Variants in ERVK3-1 observed in about 807,000 individuals in gnomAD.
ERVK3-1 encodes the protein HERV-K(HML6-1).
At chr19:58,314,646 A>G in intron 3 of ERVK3-1, 102 bp from the exon 4 acceptor site, 1 of 317,582 alleles carries the variant, frequency 3.1e-6, no homozygotes, top group East Asian at 4.8e-5. Flanking sequence ...AAAAAAAAAA[A>G]AAAAGCCTCA....
At chr19:58,315,179 C>A in exon 4 of ERVK3-1, 2 of 167,272 alleles carry the variant, frequency 1.2e-5, no homozygotes, top group Non-Finnish European at 2.6e-5. Flanking sequence ...TATCAAGGAG[C>A]CCCCTGACCC....
intron 2 of ERVK3-1, among the ~76,000 whole-genome samples, chr19:58,308,322 A>T (rs1389208746): frequency 6.6e-6 from 1 of 152,256 alleles, no homozygotes; most frequent in East Asian, 1.9e-4. Flanking sequence ...TGTTTCAGTA[A>T]TATCCAAAAA....
rs1026720174 is a variant in ERVK3-1, at chr19:58,313,639, A to G, written c.295-1109A>G. Among the ~76,000 whole-genome samples the G allele has an allele frequency of 1.3e-5, 2 of 152,092 alleles. No individual in the cohort carries two copies. Among genetic ancestry groups the G allele is most frequent in the South Asian group, 2.1e-4 (1 of 4,820 alleles). On this transcript the variant is annotated intron_variant, in intron 3 of 3. Coordinates refer to ENST00000413518, the Ensembl canonical transcript of ERVK3-1. The surrounding 1 kb of genome is among the most constrained non-coding windows in gnomAD (Gnocchi z 4.5). ...TTTTTCTAGCATCTAAGAAGGACCA[A>G]CTCCACGTAAACATCACCCAGTTGA...
At chr19:58,307,423 G>C (rs756089698) in intron 2 of ERVK3-1, among the ~76,000 whole-genome samples, 11 of 152,210 alleles carry the variant, frequency 7.2e-5, no homozygotes, top group African/African-American at 1.2e-4. Flanking sequence ...CAGGATGTGG[G>C]AACTGAACTC....
intron 2 of ERVK3-1, chr19:58,309,283 A>T (rs1348468032): frequency 6.6e-6 from 1 of 152,252 alleles, no homozygotes; most frequent in African/African-American, 2.4e-5. Context: ...TATACCAGTT[A>T]TTCAGAGAAA....
At chr19:58,311,926 A>G (rs1013939183) in intron 2 of ERVK3-1, 3 of 331,926 alleles carry the variant, frequency 9.0e-6, no homozygotes, top group African/African-American at 4.2e-5. Flanking sequence ...CTGAAAAAAC[A>G]AAAAGGGAGA....
At chr19:58,314,244 TAC>T (rs1308615455) in intron 3 of ERVK3-1, among the ~76,000 whole-genome samples, 3 of 152,168 alleles carry the variant, frequency 2.0e-5, no homozygotes, top group Non-Finnish European at 2.9e-5. Flanking sequence ...ATCAGTAACT[TAC>T]AGAGTAAAAT....
At chr19:58,307,703 A>G (rs1424429265) in intron 2 of ERVK3-1, among the ~76,000 whole-genome samples, 1 of 149,712 alleles carries the variant, frequency 6.7e-6, no homozygotes, top group African/African-American at 2.5e-5. Context: ...TCATTGGGCT[A>G]ATCAGTGTTG....
intron 2 of ERVK3-1, among the ~76,000 whole-genome samples, chr19:58,307,918 G>A (rs2051534803): frequency 1.3e-5 from 2 of 152,144 alleles, no homozygotes; most frequent in South Asian, 4.1e-4. Flanking sequence ...GTTAGTTGGA[G>A]GAGACAAACC....
At chr19:58,316,345 C>T (rs1037635954), downstream of ERVK3-1, among the ~76,000 whole-genome samples, 3 of 152,108 alleles carry the variant, frequency 2.0e-5, no homozygotes, top group African/African-American at 7.2e-5. Flanking sequence ...CATCACTGCC[C>T]AGGCCATCAG....
At chr19:58,308,255 C>G (rs2051536787) in intron 2 of ERVK3-1, among the ~76,000 whole-genome samples, 1 of 152,214 alleles carries the variant, frequency 6.6e-6, no homozygotes, top group Admixed American at 6.5e-5. Flanking sequence ...ATTGACCCAC[C>G]TGTGCAGTGC....
At chr19:58,305,921 C>T (rs1378807361) in intron 1 of ERVK3-1, among the ~76,000 whole-genome samples, 167 bp from the exon 2 acceptor site, 3 of 152,098 alleles carry the variant, frequency 2.0e-5, no homozygotes, top group African/African-American at 7.2e-5. Flanking sequence ...AATAGCTGAC[C>T]GTCAGTTACC....
At chr19:58,305,885 C>G (rs941526157) in intron 1 of ERVK3-1, among the ~76,000 whole-genome samples, 4 of 152,170 alleles carry the variant, frequency 2.6e-5, no homozygotes, top group Non-Finnish European at 4.4e-5. Context: ...ACAAAGAAAG[C>G]AGTCATGTGG....
chr19:58,312,508 C>A lies in ERVK3-1; in HGVS notation c.294+46C>A. ...GGCAAAAACATATTGGGCATATGTT[C>A]CTAACCCACTGGTAGTACGACTGGT... is the stretch of plus-strand genomic sequence containing the variant. On this transcript the variant is annotated intron_variant, in intron 3 of 3. Coordinates refer to ENST00000413518, the Ensembl canonical transcript of ERVK3-1. This position sits in a 1 kb window ranked among gnomAD's most constrained non-coding sequence, Gnocchi z 4.7. 2.5e-6 allele frequency: 1 copy of A among 399,662 alleles called. No homozygotes were observed. The highest frequency in any genetic ancestry group is 1.3e-4 in the South Asian group (1 of 7,748). 24.8% of individuals were successfully genotyped at this position (399,662 alleles called of 1,614,324 possible). A position where few individuals can be genotyped will look rare whatever the true frequency, so the allele number is the denominator to read the frequency against.
In ERVK3-1 at chr19:58,313,461, T is replaced by C. The variant is rs1397394787; in HGVS notation, c.294+999T>C. ...CCACCGTGCCAGGCTATTTTTTGTT[T>C]TTTGTATTTTTAATAGAAACGGGAT... On this transcript the variant is annotated intron_variant, in intron 3 of 3. Coordinates refer to ENST00000413518, the Ensembl canonical transcript of ERVK3-1. This position sits in a 1 kb window ranked among gnomAD's most constrained non-coding sequence, Gnocchi z 4.5. Among the ~76,000 whole-genome samples, 2 of 151,188 alleles carry C rather than the reference T, an allele frequency of 1.3e-5. No individual in the cohort carries two copies. Among genetic ancestry groups the C allele is most frequent in the Admixed American group, 1.3e-4 (2 of 15,186 alleles).
chr19:58,311,902 C>T (rs2051558867), intron 2 of ERVK3-1: 1 of 275,316 alleles, frequency 3.6e-6, no homozygotes, highest in Non-Finnish European at 6.7e-6. Flanking sequence ...GTACATCAAA[C>T]ACTACAACGC....
chr19:58,315,036 C>T, exon 4 of ERVK3-1: 1 of 361,734 alleles, frequency 2.8e-6, no homozygotes, highest in Non-Finnish European at 4.9e-6. Flanking sequence ...ACATCCAGAA[C>T]CTGTTGAACA....
rs58275693 is a variant in ERVK3-1, at chr19:58,314,626, CAAAAAAAAAA to C, written c.295-107_295-98del. Reference sequence around the variant, plus strand: ...TGGGTGACAGAGCGAGACTCCATCTCAAAAAAAAAAAAAAAAAAAAAAAAGCCTCAACCCT... The same window carrying C: ...TGGGTGACAGAGCGAGACTCCATCTCAAAAAAAAAAAAAAGCCTCAACCCT... On this transcript the variant is annotated intron_variant, in intron 3 of 3. Coordinates refer to ENST00000413518, the Ensembl canonical transcript of ERVK3-1. 31 of 58,988 alleles carry C rather than the reference CAAAAAAAAAA, an allele frequency of 5.3e-4. No individual in the cohort carries two copies. The South Asian group carries it at 7.8e-3, about 15-fold the overall frequency. The allele number at this position is 58,988 out of a possible 1,614,324, so 3.7% of individuals were successfully genotyped here.
intron 2 of ERVK3-1, among the ~76,000 whole-genome samples, chr19:58,308,373 G>A (rs10153517): frequency 6.6e-6 from 1 of 152,246 alleles, no homozygotes; most frequent in African/African-American, 2.4e-5. Context: ...CTTAGTGGGA[G>A]TAGGAACAGC....
Sources: gnomAD v4.1 joint callset for allele counts (sites outside exome capture counted in the v4.1 genomes callset) on GRCh38, gnomAD v4.1.1 for gene constraint, Gnocchi (gnomAD v3.1) non-coding constraint, MANE v1.5 for transcripts, NCBI Gene and HGNC (gene_info 2026-07-23, HGNC 2026-07-21) for gene names.